Variants in GRID2 observed in about 807,000 individuals in gnomAD.
GRID2 encodes glutamate receptor ionotropic, delta-2.
Under a neutral mutation model 114.8 loss-of-function variants are expected in GRID2, and 33 were observed. That is an observed-to-expected ratio of 0.29 (90% CI 0.22 to 0.38). The LOEUF is 0.38. GRID2 is among the 10% of genes least tolerant of loss of function. GRID2 has a pLI of 1.00. For synonymous variants in GRID2, 505 were observed against 449.9 expected, an observed-to-expected ratio of 1.12 and a Z score of -1.55; for missense variants, 1,184 against 1,257.7, an observed-to-expected ratio of 0.94 and a Z score of 0.89.
chr4:92,519,045 A>G (rs1724645189), intron 1 of GRID2, among the ~76,000 whole-genome samples: 1 of 151,862 alleles, frequency 6.6e-6, no homozygotes, highest in Admixed American at 6.6e-5. Flanking sequence ...TTGAAGACAA[A>G]CTATGATAGT....
At chr4:93,498,753 C>T (rs538767648) in intron 12 of GRID2, among the ~76,000 whole-genome samples, 41 of 151,856 alleles carry the variant, frequency 2.7e-4, no homozygotes, top group South Asian at 2.1e-4. Context: ...CTTTCTCATC[C>T]AGATACCTTT....
At chr4:92,884,124 T>C (rs1455323977) in intron 2 of GRID2, among the ~76,000 whole-genome samples, 3 of 152,188 alleles carry the variant, frequency 2.0e-5, no homozygotes, top group Non-Finnish European at 4.4e-5. Context: ...TTACTGCAGC[T>C]TCTACATCAG....
intron 11 of GRID2, among the ~76,000 whole-genome samples, chr4:93,481,684 A>G (rs1374775681): frequency 6.6e-6 from 1 of 152,098 alleles, no homozygotes; most frequent in African/African-American, 2.4e-5. Flanking sequence ...ATGTAACCAC[A>G]GGCTGTAAAT....
chr4:92,905,732 T>C (rs1050468971), intron 2 of GRID2, among the ~76,000 whole-genome samples: 1 of 152,088 alleles, frequency 6.6e-6, no homozygotes, highest in Non-Finnish European at 1.5e-5. Context: ...AGAACTCACA[T>C]CTTAAATTTG....
At chr4:92,350,644 A>C (rs1339470717) in intron 1 of GRID2, among the ~76,000 whole-genome samples, 1 of 151,762 alleles carries the variant, frequency 6.6e-6, no homozygotes, top group Non-Finnish European at 1.5e-5. Context: ...ATATGTTGTG[A>C]TAAAAATTAC....
At chr4:93,053,130 G>A (rs190859426) in intron 2 of GRID2, among the ~76,000 whole-genome samples, 1 of 152,000 alleles carries the variant, frequency 6.6e-6, no homozygotes, top group Admixed American at 6.6e-5. Context: ...ACAGCAATAA[G>A]CAATCACAGT....
At chr4:93,209,579 A>G (rs1743214769) in intron 5 of GRID2, among the ~76,000 whole-genome samples, 1 of 152,018 alleles carries the variant, frequency 6.6e-6, no homozygotes, top group African/African-American at 2.4e-5. Flanking sequence ...TGTCTTTATG[A>G]TAAAACAATT....
rs1242164172 is a variant in GRID2 at position 93,238,222 on chromosome 4, T to C, written c.1126-149T>C. 1.7e-5 allele frequency: 9 copies of C among 515,052 alleles called. No individual in the cohort carries two copies. In the East Asian group the frequency reaches 3.0e-4, roughly 17 times the overall value. The allele number at this position is 515,052 out of a possible 1,614,324, so 31.9% of individuals were successfully genotyped here. A position where few individuals can be genotyped will look rare whatever the true frequency, so the allele number is the denominator to read the frequency against. Reference sequence around the variant, plus strand: ...CAACTGTACTCCTGTTTATGCTGTGTACCTATTTTAAAAAGTAGTCTGTTA... The same window carrying C: ...CAACTGTACTCCTGTTTATGCTGTGCACCTATTTTAAAAAGTAGTCTGTTA... On this transcript the variant is annotated intron_variant, in intron 7 of 15. Transcript: ENST00000282020.
chr4:93,602,584 C>G (rs559744131), intron 13 of GRID2, among the ~76,000 whole-genome samples: 1 of 152,326 alleles, frequency 6.6e-6, no homozygotes, highest in African/African-American at 2.4e-5. Flanking sequence ...TTATGAGGCA[C>G]TGTGAACTGT....
At chr4:93,727,020 A>G (rs540386843) in intron 14 of GRID2, among the ~76,000 whole-genome samples, 3 of 152,220 alleles carry the variant, frequency 2.0e-5, no homozygotes, top group East Asian at 3.9e-4. Context: ...TTCCAACACT[A>G]TGTTGAATAG....
At chr4:93,213,063 G>A (rs968799854) in intron 5 of GRID2, among the ~76,000 whole-genome samples, 2 of 152,082 alleles carry the variant, frequency 1.3e-5, no homozygotes, top group African/African-American at 2.4e-5. Flanking sequence ...GTGAGCCACC[G>A]TGCCTGGCCA....
chr4:92,413,709 G>T (rs1446444870), intron 1 of GRID2, among the ~76,000 whole-genome samples: 2 of 151,992 alleles, frequency 1.3e-5, no homozygotes, highest in African/African-American at 4.8e-5. Flanking sequence ...AAAGGGAAAG[G>T]GAATCTCAAA....
chr4:92,338,624 A>T (rs561432939), intron 1 of GRID2, among the ~76,000 whole-genome samples: 1 of 152,218 alleles, frequency 6.6e-6, no homozygotes, highest in East Asian at 1.9e-4. Flanking sequence ...ATTGTTCTGA[A>T]ACATAGCTAT....
At chr4:92,354,210 G>A (rs967241259) in intron 1 of GRID2, among the ~76,000 whole-genome samples, 1 of 152,008 alleles carries the variant, frequency 6.6e-6, no homozygotes, top group African/African-American at 2.4e-5. Flanking sequence ...CCATCAATGA[G>A]TGGGGCGAGG....
chr4:92,317,647 C>A (rs1341293380), intron 1 of GRID2, among the ~76,000 whole-genome samples: 1 of 152,136 alleles, frequency 6.6e-6, no homozygotes, highest in Non-Finnish European at 1.5e-5. Flanking sequence ...ACCAGAAAAT[C>A]AGTCCCTGAC....
intron 2 of GRID2, among the ~76,000 whole-genome samples, chr4:92,683,082 A>G (rs558804718): frequency 3.3e-5 from 5 of 152,160 alleles, no homozygotes; most frequent in East Asian, 1.9e-4. Flanking sequence ...GGCGGATCAC[A>G]AGGTCAGGGG....
intron 8 of GRID2, among the ~76,000 whole-genome samples, chr4:93,384,205 C>A (rs1269374020): frequency 6.6e-6 from 1 of 152,110 alleles, no homozygotes; most frequent in Non-Finnish European, 1.5e-5. Flanking sequence ...GGGAAGAACC[C>A]TCGTGAATTA....
chr4:92,442,184 G>C (rs554811043), intron 1 of GRID2, among the ~76,000 whole-genome samples: 59 of 151,612 alleles, frequency 3.9e-4, no homozygotes, highest in South Asian at 6.3e-4. Flanking sequence ...CTTGGCGTCC[G>C]TGATGGTCTA....
At chr4:93,692,868 CTG>C (rs1405825329) in intron 14 of GRID2, among the ~76,000 whole-genome samples, 1 of 152,154 alleles carries the variant, frequency 6.6e-6, no homozygotes, top group African/African-American at 2.4e-5. Flanking sequence ...GACAGTTTAA[CTG>C]TGTTTTCTCA....
Sources: allele counts gnomAD v4.1 joint callset (sites outside exome capture counted in the v4.1 genomes callset), GRCh38; gene constraint gnomAD v4.1.1; transcripts MANE v1.5; gene names NCBI Gene and HGNC (gene_info 2026-07-23, HGNC 2026-07-21).